The following CHRM3 variants were observed in gnomAD, a reference collection of about 807,000 sequenced individuals.
CHRM3 encodes the protein muscarinic acetylcholine receptor M3.
CHRM3 carries 11 observed loss-of-function variants against 41.8 expected under a neutral mutation model. The ratio of observed to expected loss-of-function variants is 0.26; its 90% CI spans 0.17 to 0.44. The LOEUF (loss-of-function observed/expected upper bound fraction) is 0.44, where lower values mean the gene tolerates loss of function less well. CHRM3 is among the 20% of genes least tolerant of loss of function. CHRM3 has a pLI of 1.00. For missense variants in CHRM3, 571 were observed against 745.4 expected (o/e 0.77, Z 2.72); for synonymous variants, 297 against 301.4 (o/e 0.99, Z 0.15).
chr1:239,535,837 A>G (rs1658143906), intron 2 of CHRM3, among the ~76,000 whole-genome samples: 1 of 152,092 alleles, frequency 6.6e-6, no homozygotes, highest in Non-Finnish European at 1.5e-5. Context: ...AGCAAAGATA[A>G]GGGCTGCTAA....
At chr1:239,842,566 G>T (rs1260585778) in intron 6 of CHRM3, among the ~76,000 whole-genome samples, 1 of 152,036 alleles carries the variant, frequency 6.6e-6, no homozygotes, top group Admixed American at 6.6e-5. Context: ...TGGATGGGGA[G>T]ACCTAAAGTG....
intron 5 of CHRM3, among the ~76,000 whole-genome samples, chr1:239,825,521 T>G (rs1672386432): frequency 6.6e-6 from 1 of 152,186 alleles, no homozygotes; most frequent in Non-Finnish European, 1.5e-5. Flanking sequence ...GTTATTGTCA[T>G]TCTGTGACTT....
chr1:239,913,512 C>T lies in CHRM3; in HGVS notation c.*4288C>T, dbSNP rs1309647481. ...CCTTTCTACACGCTTAAGTTACACT[C>T]TCTTCTCCTGTTCTGATGACTCTAA... On this transcript the variant is annotated 3_prime_UTR_variant, in exon 7 of 7. Coordinates refer to ENST00000676153, the MANE Select transcript of CHRM3 (RefSeq NM_001375978.1). 6.0e-6 allele frequency: 1 copy of T among 166,926 alleles called. No individual in the cohort carries two copies. Among genetic ancestry groups the T allele is most frequent in the Non-Finnish European group, 1.5e-5 (1 of 68,130 alleles). 10.3% of individuals were successfully genotyped at this position (166,926 alleles called of 1,614,324 possible).
chr1:239,627,098 G>A (rs1161972526), intron 3 of CHRM3, among the ~76,000 whole-genome samples: 3 of 115,174 alleles, frequency 2.6e-5, no homozygotes, highest in Non-Finnish European at 3.6e-5. Context: ...TGTTGACAGT[G>A]GGGTGTTAAA....
At position 239,524,762 on chromosome 1, in the gene CHRM3, G is replaced by A. The variant is rs139960138; in HGVS notation, c.-421-20879G>A. On this transcript the variant is annotated intron_variant, in intron 2 of 6. Transcript: ENST00000676153. ...TTCTTTGAGCTGCAGCTTTTTTACCGTGCTGCACAGTTGCCTGGCTTAGGT... is the reference window on the plus strand; with the variant it reads ...TTCTTTGAGCTGCAGCTTTTTTACCATGCTGCACAGTTGCCTGGCTTAGGT... Among the ~76,000 whole-genome samples the A allele has an allele frequency of 6.7e-3, 1,027 of 152,190 alleles. 15 individuals are homozygous for A. Among genetic ancestry groups the A allele is most frequent in the African/African-American group, 0.023 (946 of 41,546 alleles).
intron 6 of CHRM3, among the ~76,000 whole-genome samples, chr1:239,860,651 A>G (rs955176042): frequency 5.9e-5 from 9 of 152,156 alleles, no homozygotes; most frequent in Non-Finnish European, 7.3e-5. Context: ...GTTTTAAATA[A>G]TTTTCTGCAT....
intron 5 of CHRM3, among the ~76,000 whole-genome samples, chr1:239,764,435 T>C (rs1395236936): frequency 2.6e-5 from 4 of 152,146 alleles, no homozygotes; most frequent in African/African-American, 9.6e-5. Context: ...CAAGTTCCCA[T>C]CCGAATTGTT....
At chr1:239,770,981 T>C (rs1314306306) in intron 5 of CHRM3, among the ~76,000 whole-genome samples, 1 of 151,438 alleles carries the variant, frequency 6.6e-6, no homozygotes, top group Non-Finnish European at 1.5e-5. Context: ...CCAGCTACTA[T>C]GGAGGCTGAG....
chr1:239,858,211 C>T (rs1266118726), intron 6 of CHRM3, among the ~76,000 whole-genome samples: 1 of 152,194 alleles, frequency 6.6e-6, no homozygotes, highest in Non-Finnish European at 1.5e-5. Context: ...GCTGCGATTT[C>T]ACAATATTGC....
chr1:239,597,962 G>C (rs1299483786), intron 3 of CHRM3, among the ~76,000 whole-genome samples: 1 of 150,596 alleles, frequency 6.6e-6, no homozygotes, highest in Non-Finnish European at 1.5e-5. Context: ...TGGGGACAAG[G>C]CAAGAGTTCA....
At chr1:239,813,773 C>A (rs907188229) in intron 5 of CHRM3, among the ~76,000 whole-genome samples, 1 of 127,336 alleles carries the variant, frequency 7.9e-6, no homozygotes, top group Non-Finnish European at 1.6e-5. Flanking sequence ...AAAAATTAGC[C>A]GGGCGTAGTG....
intron 5 of CHRM3, among the ~76,000 whole-genome samples, chr1:239,795,991 G>T (rs1669734699): frequency 6.6e-6 from 1 of 152,126 alleles, no homozygotes; most frequent in African/African-American, 2.4e-5. Flanking sequence ...TTACATTCTG[G>T]CTTGGGGAAC....
At chr1:239,815,064 C>T (rs991621264) in intron 5 of CHRM3, among the ~76,000 whole-genome samples, 3 of 152,226 alleles carry the variant, frequency 2.0e-5, no homozygotes, top group Admixed American at 2.0e-4. Flanking sequence ...GCATGAGCCA[C>T]CATGCCCGGC....
chr1:239,853,951 T>C (rs1363940745), intron 6 of CHRM3, among the ~76,000 whole-genome samples: 1 of 152,106 alleles, frequency 6.6e-6, no homozygotes, highest in Non-Finnish European at 1.5e-5. Context: ...GCTATGTAAT[T>C]TACTTAAAGC....
At chr1:239,788,192 C>T (rs1669060959) in intron 5 of CHRM3, among the ~76,000 whole-genome samples, 1 of 152,080 alleles carries the variant, frequency 6.6e-6, no homozygotes, top group Admixed American at 6.6e-5. Flanking sequence ...GTCATGATCA[C>T]ACTACTGCAC....
At chr1:239,535,787 G>T (rs1351123410) in intron 2 of CHRM3, among the ~76,000 whole-genome samples, 1 of 151,968 alleles carries the variant, frequency 6.6e-6, no homozygotes, top group African/African-American at 2.4e-5. Context: ...CATCATGGAG[G>T]TCAGTGGCTG....
At chr1:239,531,354 A>C (rs1471253258) in intron 2 of CHRM3, among the ~76,000 whole-genome samples, 1 of 152,166 alleles carries the variant, frequency 6.6e-6, no homozygotes, top group Non-Finnish European at 1.5e-5. Flanking sequence ...AACTCTTAAA[A>C]TATGGCCAGG....
intron 3 of CHRM3, among the ~76,000 whole-genome samples, chr1:239,584,429 G>A (rs896287582): frequency 4.6e-5 from 7 of 151,966 alleles, no homozygotes; most frequent in South Asian, 2.1e-4. Flanking sequence ...TATTTTGAGC[G>A]GCTGAGATAG....
intron 4 of CHRM3, among the ~76,000 whole-genome samples, chr1:239,638,999 A>G (rs1670794693): frequency 6.6e-6 from 1 of 152,106 alleles, no homozygotes; most frequent in South Asian, 2.1e-4. Context: ...CAGTTTTCCC[A>G]GCACCATTTA....
Sources: allele counts gnomAD v4.1 joint callset (sites outside exome capture counted in the v4.1 genomes callset), GRCh38; gene constraint gnomAD v4.1.1; transcripts MANE v1.5; gene names NCBI Gene and HGNC (gene_info 2026-07-23, HGNC 2026-07-21).